Variants in ZBED1 observed in about 807,000 individuals in gnomAD.
ZBED1 encodes the protein E3 SUMO-protein ligase ZBED1.
Under a neutral mutation model 49.7 loss-of-function variants are expected in ZBED1, and 19 were observed. The observed-to-expected ratio is 0.38, with a 90% confidence interval of 0.27 to 0.56. The LOEUF is 0.56. ZBED1 is among the 20% of genes least tolerant of loss of function. The probability of loss-of-function intolerance (pLI) is 0.70; values close to 1 mark genes in which losing one functional copy is unlikely to be tolerated. For synonymous variants in ZBED1, 439 were observed against 440.3 expected, an observed-to-expected ratio of 1.00 and a Z score of 0.04; for missense variants, 806 against 972.6, an observed-to-expected ratio of 0.83 and a Z score of 2.28.
At chrX:2,492,129 C>T (rs1199370454) in intron 1 of ZBED1, among the ~76,000 whole-genome samples, 1 of 152,186 alleles carries the variant, frequency 6.6e-6, no homozygotes, top group African/African-American at 2.4e-5. Flanking sequence ...AAGCGTCCTC[C>T]CCTACCAAAG....
chrX:2,493,501 G>C (rs1436993620), intron 1 of ZBED1, among the ~76,000 whole-genome samples: 1 of 150,874 alleles, frequency 6.6e-6, no homozygotes, highest in Non-Finnish European at 1.5e-5. Flanking sequence ...GGCTGAAAGC[G>C]GTTCTGGAAC....
chrX:2,488,845 G>A lies in ZBED1; in HGVS notation c.1875C>T (p.Ala625=), dbSNP rs141584436. The change falls in exon 2 of 2, where the codon GCC becomes GCT. Residue 625 remains alanine, a synonymous_variant. Coordinates refer to ENST00000652001, the MANE Select transcript of ZBED1 (RefSeq NM_001171136.2). ...TCCTCTTGGCGCTGACCACGTTGGC[G>A]GCGGATCCGAAGAGACGCTCAGGGG... ...RVAPERLFGS[A]ANVVSAKRNR... 95 of 1,613,636 alleles carry A rather than the reference G, an allele frequency of 5.9e-5. No individual in the cohort carries two copies. The African/African-American group carries it at 8.9e-4, about 15-fold the overall frequency.
intron 1 of ZBED1, among the ~76,000 whole-genome samples, chrX:2,498,403 C>T (rs752894578): frequency 6.6e-6 from 1 of 152,170 alleles, no homozygotes; most frequent in African/African-American, 2.4e-5. Flanking sequence ...AGCTGGCCAC[C>T]AGCAGACCAA....
Position 2,489,707 on chromosome X carries a change from T to C in ZBED1, c.1013A>G (p.Gln338Arg). Residue 338 changes from glutamine to arginine, a missense_variant, in exon 2 of 2, where the codon CAG becomes CGG. Coordinates refer to ENST00000652001, the MANE Select transcript of ZBED1 (RefSeq NM_001171136.2). The part of the protein sequence containing the change: ...AMYMLYEKQK[Q>R]QNVAHCMLVS... Reference sequence around the variant, plus strand: ...CAGCATGCAGTGGGCCACGTTCTGCTGCTTCTGCTTCTCATAGAGCATGTA... The same window carrying C: ...CAGCATGCAGTGGGCCACGTTCTGCCGCTTCTGCTTCTCATAGAGCATGTA... 2 of 1,612,924 alleles carry C rather than the reference T, an allele frequency of 1.2e-6. No individual in the cohort carries two copies. The highest frequency in any genetic ancestry group is 8.5e-7 in the Non-Finnish European group (1 of 1,179,836).
intron 1 of ZBED1, among the ~76,000 whole-genome samples, chrX:2,492,123 G>A (rs779570917): frequency 3.9e-5 from 6 of 152,318 alleles, no homozygotes; most frequent in Non-Finnish European, 5.9e-5. Context: ...GTTGAAAAGC[G>A]TCCTCCCCTA....
At chrX:2,496,565 C>T (rs572337305) in intron 1 of ZBED1, among the ~76,000 whole-genome samples, 3 of 152,242 alleles carry the variant, frequency 2.0e-5, no homozygotes, top group African/African-American at 7.2e-5. Context: ...GCACCAGAAT[C>T]TCACAAATCA....
In ZBED1 at chrX:2,500,928, C is replaced by T. The variant is rs2045412839; in HGVS notation, c.-165G>A. 9.3e-7 allele frequency: 1 copy of T among 1,070,390 alleles called. No homozygotes were observed. Among genetic ancestry groups the T allele is most frequent in the Non-Finnish European group, 1.1e-6 (1 of 885,850 alleles). The allele number at this position is 1,070,390 out of a possible 1,614,324, so 66.3% of individuals were successfully genotyped here. Reference sequence around the variant, plus strand: ...CGCGCCGCAGACAATGGCGACATGGCTGCCCCGGCCGCGCCGCCGCCGCTT... The same window carrying T: ...CGCGCCGCAGACAATGGCGACATGGTTGCCCCGGCCGCGCCGCCGCCGCTT... On this transcript the variant is annotated 5_prime_UTR_variant, in exon 1 of 2. Transcript: ENST00000652001.
intron 1 of ZBED1, among the ~76,000 whole-genome samples, chrX:2,493,293 G>A (rs1194075787): frequency 1.3e-5 from 2 of 152,138 alleles, no homozygotes; most frequent in Non-Finnish European, 2.9e-5. Context: ...CTGAGTGACA[G>A]GACACAGCTG....
At position 2,493,097 on chromosome X, in the gene ZBED1, G is replaced by A. The variant is rs754068570; in HGVS notation, c.-53-2325C>T. On this transcript the variant is annotated intron_variant, in intron 1 of 1. Coordinates refer to ENST00000652001, the MANE Select transcript of ZBED1 (RefSeq NM_001171136.2). ...CCAAGACTGGGGTGCAAGGAGGGGG[G>A]TCCTGTGGCCAATGCCAGCACCCTG... Among the ~76,000 whole-genome samples the A allele has an allele frequency of 6.4e-4, 97 of 152,342 alleles. 1 individual carries two copies. Among genetic ancestry groups the A allele is most frequent in the Admixed American group, 3.3e-3 (51 of 15,300 alleles).
chrX:2,498,747 G>A (rs1466142673), intron 1 of ZBED1, among the ~76,000 whole-genome samples: 1 of 152,048 alleles, frequency 6.6e-6, no homozygotes, highest in East Asian at 1.9e-4. Flanking sequence ...GGCCCACACA[G>A]GCCCTTAAGG....
rs752529844 is a variant in ZBED1 at position 2,490,623 on chromosome X, T to C, written c.97A>G (p.Thr33Ala). Residue 33 changes from threonine to alanine, a missense_variant, in exon 2 of 2, where the codon ACC (threonine) becomes GCC (alanine). Coordinates refer to ENST00000652001, the MANE Select transcript of ZBED1 (RefSeq NM_001171136.2). Reference sequence around the variant, plus strand: ...TGCAGGATGCATCCCTCGGCGTTGGTGTCGAAGCCGAAATACTTCCACACC... The same window carrying C: ...TGCAGGATGCATCCCTCGGCGTTGGCGTCGAAGCCGAAATACTTCCACACC... Reference protein sequence around the residue: ...SKVWKYFGFDTNAEGCILQWK... With the variant: ...SKVWKYFGFDANAEGCILQWK... 5 of 1,613,960 alleles carry C rather than the reference T, an allele frequency of 3.1e-6. No homozygotes were observed. The highest frequency in any genetic ancestry group is 4.2e-6 in the Non-Finnish European group (5 of 1,179,866).
At position 2,490,182 on chromosome X, in the gene ZBED1, C is replaced by A. The variant is rs148879989; in HGVS notation, c.538G>T (p.Val180Phe). The part of the protein sequence containing the change: ...TKAIPEKYGA[V>F]REVILKELAE... ...AGCTCCTTCAGGATCACCTCCCGGA[C>A]GGCCCCGTACTTCTCAGGGATGGCC... The change falls in exon 2 of 2, where the codon GTC becomes TTC. Residue 180 changes from valine (V) to phenylalanine (F), a missense_variant. This residue lies in a region of ZBED1 where 749 missense variants were observed against 861.3 expected (regional missense o/e 0.87). Transcript: ENST00000652001. 3 of 1,613,978 alleles carry A rather than the reference C, an allele frequency of 1.9e-6. No homozygotes were observed. Among genetic ancestry groups the A allele is most frequent in the East Asian group, 4.5e-5 (2 of 44,880 alleles).
Position 2,490,122 on chromosome X carries a change from T to C in ZBED1, c.598A>G (p.Met200Val), listed in dbSNP as rs1297237813. The C allele has an allele frequency of 1.2e-6, 2 of 1,613,856 alleles. No homozygotes were observed. Among genetic ancestry groups the C allele is most frequent in the Admixed American group, 3.3e-5 (2 of 60,016 alleles). Reference sequence around the variant, plus strand: ...CGGTTCTGATTCTCACTCCTCCACATGTCGGTGGAGATGCCACACCAGGTG... The same window carrying C: ...CGGTTCTGATTCTCACTCCTCCACACGTCGGTGGAGATGCCACACCAGGTG... ...EATWCGISTD[M>V]WRSENQNRAY... The change falls in exon 2 of 2, where the codon ATG becomes GTG. Residue 200 changes from methionine to valine, a missense_variant. This residue lies in a region of ZBED1 where 749 missense variants were observed against 861.3 expected (regional missense o/e 0.87). Coordinates refer to ENST00000652001, the MANE Select transcript of ZBED1 (RefSeq NM_001171136.2).
chrX:2,488,745 G>A lies in ZBED1; in HGVS notation c.1975C>T (p.Pro659Ser). The change falls in exon 2 of 2, where the codon CCC becomes TCC. Residue 659 changes from proline to serine, a missense_variant. This residue lies in a region of ZBED1 where 749 missense variants were observed against 861.3 expected (regional missense o/e 0.87). Coordinates refer to ENST00000652001, the MANE Select transcript of ZBED1 (RefSeq NM_001171136.2). ...CACTCCCCCTCGTCCTGGTCCTCGG[G>A]TTCCGCCTCTGCCCCACTCCGGGCG... ...ENARSGAEAEPEDQDEGEWGL... is the reference protein window; with the variant it reads ...ENARSGAEAESEDQDEGEWGL... 1 of 1,613,894 alleles carries A rather than the reference G, an allele frequency of 6.2e-7. No individual in the cohort carries two copies. The highest frequency in any genetic ancestry group is 8.5e-7 in the Non-Finnish European group (1 of 1,179,864).
chrX:2,493,093 G>A (rs570040501), intron 1 of ZBED1, among the ~76,000 whole-genome samples: 2 of 152,334 alleles, frequency 1.3e-5, no homozygotes, highest in African/African-American at 4.8e-5. Flanking sequence ...GTGCAAGGAG[G>A]GGGGTCCTGT....
intron 1 of ZBED1, among the ~76,000 whole-genome samples, chrX:2,497,898 A>G (rs2045321617): frequency 6.6e-6 from 1 of 152,192 alleles, no homozygotes; most frequent in Non-Finnish European, 1.5e-5. Flanking sequence ...TAGGATATTA[A>G]ATGCACTGAT....
intron 1 of ZBED1, among the ~76,000 whole-genome samples, chrX:2,495,247 A>G (rs1439334414): frequency 6.6e-6 from 1 of 151,402 alleles, no homozygotes. Flanking sequence ...ACGTTCCAGG[A>G]CGTGAAGCAA....
chrX:2,496,481 G>A (rs1218472977), intron 1 of ZBED1, among the ~76,000 whole-genome samples: 9 of 152,270 alleles, frequency 5.9e-5, no homozygotes, highest in Admixed American at 2.6e-4. Flanking sequence ...TTATAGGCAT[G>A]AGCCACCGCA....
At position 2,490,252 on chromosome X, in the gene ZBED1, G is replaced by A. The variant is rs781705750; in HGVS notation, c.468C>T (p.Ala156=). The A allele has an allele frequency of 1.4e-5, 22 of 1,613,860 alleles. No homozygotes were observed. Among genetic ancestry groups the A allele is most frequent in the African/African-American group, 4.0e-5 (3 of 75,050 alleles). The change falls in exon 2 of 2, where the codon GCC becomes GCT. Residue 156 remains alanine (A), a synonymous_variant. Transcript: ENST00000652001. ...GGCTGGGCAGCTCATACCGGGGGTCGGCCGTCTTCAGCAGCACCTTGAAGG... is the reference window on the plus strand; with the variant it reads ...GGCTGGGCAGCTCATACCGGGGGTCAGCCGTCTTCAGCAGCACCTTGAAGG... ...EPTFKVLLKT[A]DPRYELPSRK... is the part of the protein sequence containing the mutation.
Sources: gnomAD v4.1 joint callset for allele counts (sites outside exome capture counted in the v4.1 genomes callset) on GRCh38, gnomAD v4.1.1 for gene constraint, gnomAD v4.1.1 regional missense constraint, MANE v1.5 for transcripts, NCBI Gene and HGNC (gene_info 2026-07-23, HGNC 2026-07-21) for gene names.